The following RIMS1 variants were observed in gnomAD, a reference collection of about 807,000 sequenced individuals.
RIMS1 encodes regulating synaptic membrane exocytosis protein 1.
Under a neutral mutation model 214.1 loss-of-function variants are expected in RIMS1, and 83 were observed. The ratio of observed to expected loss-of-function variants is 0.39; its 90% confidence interval spans 0.32 to 0.47. The LOEUF (loss-of-function observed/expected upper bound fraction) is 0.47. Ranked by LOEUF, RIMS1 falls within the 20% of genes least tolerant of loss-of-function variation. RIMS1 has a pLI of 0.99. For synonymous variants in RIMS1, 793 were observed against 786.8 expected (o/e 1.01, Z -0.13); for missense variants, 2,050 against 2,161.8 (o/e 0.95, Z 1.03).
At chr6:72,393,085 G>GAAAAAAAAAAAAAAA (rs36027740) in intron 31 of RIMS1, among the ~76,000 whole-genome samples, 1 of 131,686 alleles carries the variant, frequency 7.6e-6, no homozygotes, top group Non-Finnish European at 1.6e-5. Flanking sequence ...TCACAGCATG[G>GAAAAAAAAAAAAAAA]AAAAAAAAAA....
chr6:72,288,450 T>C (rs1009246021), intron 24 of RIMS1, among the ~76,000 whole-genome samples: 5 of 152,184 alleles, frequency 3.3e-5, no homozygotes, highest in Admixed American at 2.6e-4. Context: ...GTTACTGTTA[T>C]GTTATTTATC....
chr6:72,090,076 C>T (rs981458268), intron 2 of RIMS1, among the ~76,000 whole-genome samples: 21 of 150,774 alleles, frequency 1.4e-4, no homozygotes, highest in Admixed American at 5.3e-4. Flanking sequence ...TGCTAGATGA[C>T]GAGTTAGTGG....
chr6:72,209,738 A>G (rs183992691), intron 6 of RIMS1, among the ~76,000 whole-genome samples: 163 of 152,096 alleles, frequency 1.1e-3, no homozygotes, highest in African/African-American at 3.9e-3. Context: ...TGTCTCTACT[A>G]AAAATACAAA....
chr6:72,099,948 T>C, intron 3 of RIMS1, 27 bp from the exon 4 acceptor site: 2 of 1,596,128 alleles, frequency 1.3e-6, no homozygotes, highest in East Asian at 2.2e-5. Context: ...CTTTCTCTAC[T>C]CTGCTTCCTT....
chr6:72,066,822 T>C (rs995542815), intron 2 of RIMS1, among the ~76,000 whole-genome samples: 3 of 152,038 alleles, frequency 2.0e-5, no homozygotes, highest in Non-Finnish European at 4.4e-5. Flanking sequence ...TCAAATAAAC[T>C]CCTCCCCTGG....
intron 28 of RIMS1, among the ~76,000 whole-genome samples, chr6:72,321,041 T>C (rs747197755): frequency 6.6e-6 from 1 of 152,140 alleles, no homozygotes; most frequent in African/African-American, 2.4e-5. Flanking sequence ...TGCGGATTGA[T>C]TGATATTTGC....
chr6:72,355,224 T>A (rs1459069666), intron 29 of RIMS1, among the ~76,000 whole-genome samples: 1 of 152,178 alleles, frequency 6.6e-6, no homozygotes, highest in Non-Finnish European at 1.5e-5. Flanking sequence ...TGATTTTATA[T>A]TGTCTCTAAA....
rs769338835 is a variant in RIMS1 at position 72,245,850 on chromosome 6, C to T, written c.2117C>T (p.Pro706Leu). 14 of 1,602,112 alleles carry T rather than the reference C, an allele frequency of 8.7e-6. No homozygotes were observed. Among genetic ancestry groups the T allele is most frequent in the African/African-American group, 1.3e-5 (1 of 74,620 alleles). The part of the protein sequence containing the change: ...IPRIPESSHP[P>L]LESSSSSFES... ...CGGATTCCTGAGAGCTCCCACCCTCCACTGGAGTCCAGTGAGTATAAGGTT... is the reference window on the plus strand; with the variant it reads ...CGGATTCCTGAGAGCTCCCACCCTCTACTGGAGTCCAGTGAGTATAAGGTT... The change falls in exon 11 of 34, where the codon CCA (proline) becomes CTA (leucine). Residue 706 changes from proline to leucine, a missense_variant. Pro to Leu is a moderately conservative substitution (Grantham distance 98). Coordinates refer to ENST00000521978, the MANE Select transcript of RIMS1 (RefSeq NM_014989.7).
At chr6:72,340,360 A>T (rs944211109) in intron 29 of RIMS1, among the ~76,000 whole-genome samples, 3 of 151,952 alleles carry the variant, frequency 2.0e-5, no homozygotes, top group Non-Finnish European at 4.4e-5. Flanking sequence ...GTCCTTGCCC[A>T]TGCCTATGTC....
chr6:72,087,860 T>C (rs1025505701), intron 2 of RIMS1, among the ~76,000 whole-genome samples: 1 of 152,226 alleles, frequency 6.6e-6, no homozygotes, highest in Non-Finnish European at 1.5e-5. Flanking sequence ...CTGGGTGCAA[T>C]GGTTTTGGCA....
intron 4 of RIMS1, among the ~76,000 whole-genome samples, chr6:72,154,360 C>T (rs923709634): frequency 7.1e-6 from 1 of 139,924 alleles, no homozygotes; most frequent in African/African-American, 2.5e-5. Flanking sequence ...ATGCCTAGGA[C>T]ATATGATGTT....
At chr6:72,313,015 AT>A (rs965513599) in intron 27 of RIMS1, among the ~76,000 whole-genome samples, 5 of 152,168 alleles carry the variant, frequency 3.3e-5, no homozygotes, top group Non-Finnish European at 5.9e-5. Flanking sequence ...AAAATCCAAA[AT>A]GTTCCACTGA....
chr6:72,271,267 A>AG (rs1208389054), intron 22 of RIMS1, among the ~76,000 whole-genome samples: 479 of 69,454 alleles, frequency 6.9e-3, no homozygotes, highest in Non-Finnish European at 8.8e-3. Flanking sequence ...CTCCATCTCA[A>AG]GGAAAAAAAA....
chr6:72,255,131 A>G (rs1221380572), intron 16 of RIMS1, among the ~76,000 whole-genome samples: 2 of 152,194 alleles, frequency 1.3e-5, no homozygotes, highest in African/African-American at 4.8e-5. Flanking sequence ...AACTAGTCAC[A>G]TAGTAACATG....
chr6:72,349,566 A>G (rs2097374494), intron 29 of RIMS1, among the ~76,000 whole-genome samples: 1 of 151,960 alleles, frequency 6.6e-6, no homozygotes, highest in Non-Finnish European at 1.5e-5. Context: ...TTGAAATTGT[A>G]AGAATGAATA....
chr6:72,143,498 T>A (rs1368042046), intron 4 of RIMS1, among the ~76,000 whole-genome samples: 1 of 152,126 alleles, frequency 6.6e-6, no homozygotes, highest in African/African-American at 2.4e-5. Flanking sequence ...AGAAGGTAGA[T>A]CTTGGTGGAA....
intron 6 of RIMS1, among the ~76,000 whole-genome samples, chr6:72,226,223 C>T (rs1462243283): frequency 6.6e-6 from 1 of 152,032 alleles, no homozygotes; most frequent in South Asian, 2.1e-4. Flanking sequence ...AGCACCAGGC[C>T]AATGTAGAGG....
In RIMS1 at chr6:72,203,870, A is replaced by T. The variant is rs547687404; in HGVS notation, c.1678+20721A>T. ...TGGGGCCTGAGTATTGTTATTGGCA[A>T]ATCTCAAACCTGACCCTTCATAAAT... On this transcript the variant is annotated intron_variant, in intron 6 of 33. Transcript: ENST00000521978. Among the ~76,000 whole-genome samples, 53 of 152,296 alleles carry T rather than the reference A, an allele frequency of 3.5e-4. 1 individual carries two copies. In the South Asian group the frequency reaches 0.011, roughly 30 times the overall value.
At chr6:72,013,145 G>C (rs1240485430) in intron 2 of RIMS1, among the ~76,000 whole-genome samples, 1 of 152,094 alleles carries the variant, frequency 6.6e-6, no homozygotes, top group African/African-American at 2.4e-5. Context: ...ATATTTGTGT[G>C]CCAATCACAC....
Sources: gnomAD v4.1 joint callset for allele counts (sites outside exome capture counted in the v4.1 genomes callset) on GRCh38, gnomAD v4.1.1 for gene constraint, MANE v1.5 for transcripts, NCBI Gene and HGNC (gene_info 2026-07-23, HGNC 2026-07-21) for gene names.